NEK6: variants seen among roughly 807,000 people sequenced by gnomAD.
NEK6 encodes the protein serine/threonine-protein kinase Nek6.
NEK6 carries 27 observed loss-of-function variants against 43.5 expected under a neutral mutation model. The observed-to-expected ratio is 0.62, with a 90% CI of 0.46 to 0.86. NEK6 has a LOEUF of 0.86. NEK6 is among the 40% of genes least tolerant of loss of function. NEK6 has a pLI of 0.00. For synonymous variants in NEK6, 167 were observed against 164.1 expected (o/e 1.02, Z -0.14); for missense variants, 318 against 414.4 (o/e 0.77, Z 2.02).
upstream of NEK6, chr9:124,257,888 TGGGGGCGGCGCGGCCCCGCGGC>T: frequency 1.0e-6 from 1 of 984,938 alleles, no homozygotes; most frequent in Non-Finnish European, 1.2e-6. Flanking sequence ...GCACGAGCGC[TGGGGGCGGCGCGGCCCCGCGGC>T]GGGGAGGGGC....
chr9:124,263,977 T>C (rs1162391282), intron 1 of NEK6, among the ~76,000 whole-genome samples: 1 of 152,216 alleles, frequency 6.6e-6, no homozygotes, highest in Non-Finnish European at 1.5e-5. Context: ...AGATGTTTTG[T>C]TAATTATTTA....
chr9:124,340,808 G>A (rs1306349854), intron 8 of NEK6, among the ~76,000 whole-genome samples: 2 of 152,206 alleles, frequency 1.3e-5, no homozygotes, highest in Admixed American at 1.3e-4. Flanking sequence ...CACAGAGCCT[G>A]ATTGCTCTGT....
At chr9:124,288,265 CATTG>C (rs1019962125) in intron 1 of NEK6, among the ~76,000 whole-genome samples, 2 of 152,190 alleles carry the variant, frequency 1.3e-5, no homozygotes, top group African/African-American at 2.4e-5. Context: ...GCAGTACCCA[CATTG>C]ATTGATTGAT....
At chr9:124,259,868 G>T (rs1356001783) in intron 1 of NEK6, among the ~76,000 whole-genome samples, 1 of 152,220 alleles carries the variant, frequency 6.6e-6, no homozygotes, top group Non-Finnish European at 1.5e-5. Context: ...GACCCAGGTT[G>T]GTCTGGATTT....
chr9:124,288,501 C>T (rs149179961), intron 1 of NEK6, among the ~76,000 whole-genome samples: 2,764 of 152,204 alleles, frequency 0.018, 34 homozygotes, highest in Middle Eastern at 0.044. Flanking sequence ...CCAGGCTGGT[C>T]TCGAACTCTT....
At chr9:124,320,983 A>C (rs1834036688) in intron 4 of NEK6, among the ~76,000 whole-genome samples, 1 of 152,250 alleles carries the variant, frequency 6.6e-6, no homozygotes, top group Admixed American at 6.5e-5. Flanking sequence ...GAATTGAGAA[A>C]GAGTGGGAAG....
rs963430716 is a variant in NEK6 at position 124,324,478 on chromosome 9, ACT to A, written c.406-1849_406-1848del. On this transcript the variant is annotated intron_variant, in intron 5 of 9. Coordinates refer to ENST00000320246, the MANE Select transcript of NEK6 (RefSeq NM_014397.6). This position sits in a 1 kb window ranked among gnomAD's most constrained non-coding sequence, Gnocchi z 5.3. ...GCCGTAGCCCCAGAACCCACCAGAG[ACT>A]CTGCGCCTCCCCGCTAAATGTCAGA... 6.6e-6 allele frequency among the ~76,000 whole-genome samples: 1 copy of A among 152,050 alleles called. No individual in the cohort carries two copies. The highest frequency in any genetic ancestry group is 2.4e-5 in the African/African-American group (1 of 41,392).
chr9:124,333,503 C>G (rs539814012), intron 7 of NEK6, among the ~76,000 whole-genome samples: 4 of 152,362 alleles, frequency 2.6e-5, no homozygotes, highest in African/African-American at 9.6e-5. Flanking sequence ...GGCCAAGCCT[C>G]TCTCAGTTAA....
chr9:124,333,999 G>T (rs1464311889), intron 7 of NEK6, among the ~76,000 whole-genome samples: 1 of 151,906 alleles, frequency 6.6e-6, no homozygotes, highest in South Asian at 2.1e-4. Context: ...GGATGGTCTC[G>T]ATCTCCTGAC....
chr9:124,352,884 T>G lies in NEK6; in HGVS notation c.*1937T>G, dbSNP rs935479366. ...AACCTACTTTGTGCATGCCACCCGC[T>G]TTCCACACTGTGAGAACAATCTGCC... On this transcript the variant is annotated 3_prime_UTR_variant, in exon 10 of 10. Transcript: ENST00000320246. 2 of 152,346 alleles carry G rather than the reference T, an allele frequency of 1.3e-5. No individual in the cohort carries two copies. Among genetic ancestry groups the G allele is most frequent in the Non-Finnish European group, 2.9e-5 (2 of 68,118 alleles). 9.4% of individuals were successfully genotyped at this position (152,346 alleles called of 1,614,324 possible).
intron 7 of NEK6, among the ~76,000 whole-genome samples, chr9:124,335,308 G>C (rs990399657): frequency 1.3e-5 from 2 of 152,082 alleles, no homozygotes; most frequent in Admixed American, 6.6e-5. Flanking sequence ...TGGAAGTTGC[G>C]ATTTGCTGTC....
rs1034303018 is a variant in NEK6 at position 124,316,228 on chromosome 9, C to T, written c.294+2243C>T. Among the ~76,000 whole-genome samples the T allele has an allele frequency of 4.6e-5, 7 of 152,206 alleles. No homozygotes were observed. In the South Asian group the frequency reaches 8.3e-4, roughly 18 times the overall value. ...ACCCAAACCCAAAACCTCTCAAGTG[C>T]GGGGGCTGGTGGGGTCGGCAGCTGC... On this transcript the variant is annotated intron_variant, in intron 4 of 9. Coordinates refer to ENST00000320246, the MANE Select transcript of NEK6 (RefSeq NM_014397.6).
At chr9:124,298,556 C>T (rs995984213) in intron 1 of NEK6, among the ~76,000 whole-genome samples, 1 of 152,104 alleles carries the variant, frequency 6.6e-6, no homozygotes, top group African/African-American at 2.4e-5. Context: ...CTGAGATCAC[C>T]CCTGTGCATC....
intron 1 of NEK6, among the ~76,000 whole-genome samples, chr9:124,300,395 G>T (rs1050491931): frequency 6.6e-6 from 1 of 152,134 alleles, no homozygotes; most frequent in Non-Finnish European, 1.5e-5. Context: ...TAATGGGGGC[G>T]TGGGTCTACC....
intron 7 of NEK6, among the ~76,000 whole-genome samples, chr9:124,337,166 G>C (rs1337944644): frequency 6.6e-6 from 1 of 152,184 alleles, no homozygotes; most frequent in Non-Finnish European, 1.5e-5. Flanking sequence ...AGAGCTCACT[G>C]CTTCAGGAAA....
In NEK6 at chr9:124,326,470, C is replaced by T. The variant is rs1209608797; in HGVS notation, c.514+32C>T. On this transcript the variant is annotated intron_variant, in intron 6 of 9. Coordinates refer to ENST00000320246, the MANE Select transcript of NEK6 (RefSeq NM_014397.6). This position sits in a 1 kb window ranked among gnomAD's most constrained non-coding sequence, Gnocchi z 4.5. Reference sequence around the variant, plus strand: ...GCCACCCGCCAGGAGCCGCCCGGAGCCACCTGGAGCCCAGGAAGACACTTC... The same window carrying T: ...GCCACCCGCCAGGAGCCGCCCGGAGTCACCTGGAGCCCAGGAAGACACTTC... The T allele has an allele frequency of 6.6e-7, 1 of 1,512,552 alleles. No individual in the cohort carries two copies. Among genetic ancestry groups the T allele is most frequent in the South Asian group, 1.1e-5 (1 of 89,160 alleles). 93.7% of individuals were successfully genotyped at this position (1,512,552 alleles called of 1,614,324 possible).
At chr9:124,309,564 C>T (rs536259416) in intron 2 of NEK6, among the ~76,000 whole-genome samples, 3 of 152,326 alleles carry the variant, frequency 2.0e-5, no homozygotes, top group South Asian at 2.1e-4. Flanking sequence ...CTAGATCTGA[C>T]AGGGAGTTCT....
At position 124,351,051 on chromosome 9, in the gene NEK6, G is replaced by A. The variant is rs1830252016; in HGVS notation, c.*104G>A. On this transcript the variant is annotated 3_prime_UTR_variant, in exon 10 of 10. Coordinates refer to ENST00000320246, the MANE Select transcript of NEK6 (RefSeq NM_014397.6). ...GTAGCCTAGAACAGCTAAGACCACAGGGTTCAGCAGGTTCCCCAAAAGGCT... is the reference window on the plus strand; with the variant it reads ...GTAGCCTAGAACAGCTAAGACCACAAGGTTCAGCAGGTTCCCCAAAAGGCT... 4.1e-6 allele frequency: 3 copies of A among 723,400 alleles called. No homozygotes were observed. Among genetic ancestry groups the A allele is most frequent in the Admixed American group, 4.9e-5 (2 of 40,822 alleles). The allele number at this position is 723,400 out of a possible 1,614,324, so 44.8% of individuals were successfully genotyped here.
At chr9:124,295,436 G>C (rs1002551559) in intron 1 of NEK6, among the ~76,000 whole-genome samples, 4 of 152,208 alleles carry the variant, frequency 2.6e-5, no homozygotes, top group Admixed American at 2.6e-4. Context: ...GGCTGGGGCT[G>C]GGGAAGGGCC....
Sources: allele counts gnomAD v4.1 joint callset (sites outside exome capture counted in the v4.1 genomes callset), GRCh38; gene constraint gnomAD v4.1.1; non-coding constraint Gnocchi (gnomAD v3.1); transcripts MANE v1.5; gene names NCBI Gene and HGNC (gene_info 2026-07-23, HGNC 2026-07-21).